GCNT2: variants seen among roughly 807,000 people sequenced by gnomAD.
The protein encoded by GCNT2 is N-acetyllactosaminide beta-1,6-N-acetylglucosaminyl-transferase.
In GCNT2, 34 loss-of-function variants were observed where a neutral mutation model predicts 34.2. The observed-to-expected ratio is 1.00, with a 90% CI of 0.76 to 1.32. GCNT2 has a LOEUF of 1.32. Ranked by LOEUF, GCNT2 falls within the 40% of genes most tolerant of loss-of-function variation. GCNT2 has a pLI of 0.00. For missense variants in GCNT2, 584 were observed against 489.4 expected (o/e 1.19, Z -1.82); for synonymous variants, 212 against 188.0 (o/e 1.13, Z -1.04).
intron 3 of GCNT2, among the ~76,000 whole-genome samples, chr6:10,568,248 C>T (rs903232076): frequency 6.6e-6 from 1 of 152,014 alleles, no homozygotes; most frequent in Admixed American, 6.6e-5. Flanking sequence ...GAAGCTTCCA[C>T]GAGTGCCTGC....
chr6:10,544,895 A>T (rs1321182344), intron 3 of GCNT2, among the ~76,000 whole-genome samples: 1 of 151,970 alleles, frequency 6.6e-6, no homozygotes, highest in African/African-American at 2.4e-5. Flanking sequence ...CAGTGAGCTG[A>T]GATTGTGCCA....
chr6:10,582,557 A>G (rs1764170197), intron 3 of GCNT2, among the ~76,000 whole-genome samples: 2 of 135,636 alleles, frequency 1.5e-5, no homozygotes, highest in African/African-American at 5.5e-5. Flanking sequence ...TATAATATAT[A>G]TCATATATAT....
intron 3 of GCNT2, among the ~76,000 whole-genome samples, chr6:10,560,190 G>C (rs1762910817): frequency 6.6e-6 from 1 of 152,170 alleles, no homozygotes; most frequent in Non-Finnish European, 1.5e-5. Context: ...CCGGGCTCAA[G>C]TGATTCTTGT....
intron 3 of GCNT2, among the ~76,000 whole-genome samples, chr6:10,593,597 C>A (rs1764734731): frequency 6.6e-6 from 1 of 152,156 alleles, no homozygotes; most frequent in East Asian, 1.9e-4. Flanking sequence ...CAGCCTCCTA[C>A]AAGTGCTGAG....
chr6:10,607,991 C>T (rs896144823), intron 3 of GCNT2, among the ~76,000 whole-genome samples: 1 of 152,080 alleles, frequency 6.6e-6, no homozygotes, highest in African/African-American at 2.4e-5. Context: ...CAGAATCTCT[C>T]CTCTGCCTCA....
At position 10,533,800 on chromosome 6, in the gene GCNT2, CAAAAAAAAAAAAAAA is replaced by C. The variant is rs869274003; in HGVS notation, c.925+3976_925+3990del. ...TGGGTGACAGAGCAAGACTCTGTCTCAAAAAAAAAAAAAAAAAAAAAAAAAAGAATGTATTTTATT... is the reference window on the plus strand; with the variant it reads ...TGGGTGACAGAGCAAGACTCTGTCTCAAAAAAAAAAAGAATGTATTTTATT... On this transcript the variant is annotated intron_variant, in intron 3 of 4. Coordinates refer to ENST00000495262, the MANE Select transcript of GCNT2 (RefSeq NM_145649.5). Among the ~76,000 whole-genome samples the C allele has an allele frequency of 2.8e-4, 12 of 43,378 alleles. No homozygotes were observed. In the East Asian group the frequency reaches 5.7e-3, roughly 21 times the overall value. 28.5% of individuals were successfully genotyped at this position (43,378 alleles called of 152,430 possible).
chr6:10,618,576 G>A (rs1436052431), intron 3 of GCNT2, among the ~76,000 whole-genome samples: 1 of 152,194 alleles, frequency 6.6e-6, no homozygotes, highest in Non-Finnish European at 1.5e-5. Context: ...TTATGATGTA[G>A]TTATTTAATA....
At chr6:10,593,471 A>G in intron 3 of GCNT2, among the ~76,000 whole-genome samples, 1 of 152,088 alleles carries the variant, frequency 6.6e-6, no homozygotes, top group Non-Finnish European at 1.5e-5. Context: ...CCAAGTAGCA[A>G]GGACTACAGG....
At chr6:10,617,750 C>CTTTTTTTTTT (rs3064178) in intron 3 of GCNT2, among the ~76,000 whole-genome samples, 2,211 of 101,272 alleles carry the variant, frequency 0.022, 282 homozygotes, top group African/African-American at 0.1. Context: ...TGCATTTCTT[C>CTTTTTTTTTT]TTTTTTTTTT....
chr6:10,623,832 G>C (rs934700830), intron 4 of GCNT2, among the ~76,000 whole-genome samples: 2 of 152,170 alleles, frequency 1.3e-5, no homozygotes, highest in East Asian at 3.9e-4. Context: ...GATTTCCAGA[G>C]GTTCAACATT....
chr6:10,601,691 C>T (rs962933251), intron 3 of GCNT2, among the ~76,000 whole-genome samples: 5 of 152,112 alleles, frequency 3.3e-5, no homozygotes, highest in Admixed American at 1.3e-4. Flanking sequence ...CCTGTAATCT[C>T]AGCACTTTGG....
chr6:10,528,886 A>C lies in GCNT2; in HGVS notation c.-26A>C, dbSNP rs79945859. 0.074 allele frequency: 113,726 copies of C among 1,539,366 alleles called. 5,049 individuals carry two copies. Among genetic ancestry groups the C allele is most frequent in the Middle Eastern group, 0.087 (473 of 5,416 alleles). On this transcript the variant is annotated 5_prime_UTR_variant, in exon 3 of 5. Transcript: ENST00000495262. Reference sequence around the variant, plus strand: ...ACTCTGATCCTATCTCAAGAGAGAGATATTTTACTCATTTCCTGGTTGTGA... The same window carrying C: ...ACTCTGATCCTATCTCAAGAGAGAGCTATTTTACTCATTTCCTGGTTGTGA...
Position 10,529,341 on chromosome 6 carries a change from C to A in GCNT2, c.430C>A (p.Leu144Ile). ...DAFKGAVKQLLSCFPNAFLAS... is the reference protein window; with the variant it reads ...DAFKGAVKQLISCFPNAFLAS... ...CTTTAAAGGTGCAGTGAAACAGTTA[C>A]TCAGCTGCTTCCCAAATGCTTTTCT... is the stretch of plus-strand genomic sequence containing the variant. Residue 144 changes from leucine (L) to isoleucine (I), a missense_variant, in exon 3 of 5, where the codon CTC becomes ATC. Transcript: ENST00000495262. 1.2e-6 allele frequency: 2 copies of A among 1,613,984 alleles called. No homozygotes were observed. Among genetic ancestry groups the A allele is most frequent in the Non-Finnish European group, 1.7e-6 (2 of 1,180,004 alleles).
intron 3 of GCNT2, chr6:10,586,841 T>A (rs995412545): frequency 8.1e-6 from 13 of 1,613,876 alleles, no homozygotes; most frequent in Admixed American, 1.7e-5. Context: ...AAAGGGCCAT[T>A]GATCTACTAC....
chr6:10,532,173 C>T (rs1441438273), intron 3 of GCNT2, among the ~76,000 whole-genome samples: 2 of 152,032 alleles, frequency 1.3e-5, no homozygotes, highest in East Asian at 1.9e-4. Context: ...GCCTCCGAGT[C>T]CCTTCCCACT....
chr6:10,615,978 C>T (rs1029665996), intron 3 of GCNT2, among the ~76,000 whole-genome samples: 1 of 152,196 alleles, frequency 6.6e-6, no homozygotes, highest in Non-Finnish European at 1.5e-5. Flanking sequence ...CTGTCTCATC[C>T]TGCTATGTCT....
intron 3 of GCNT2, among the ~76,000 whole-genome samples, chr6:10,561,225 C>T (rs1018755571): frequency 2.0e-5 from 3 of 152,282 alleles, no homozygotes; most frequent in South Asian, 4.1e-4. Flanking sequence ...TGCAATGGCA[C>T]GATCTTGGCT....
At chr6:10,586,126 A>G in intron 3 of GCNT2, 1 of 1,614,200 alleles carries the variant, frequency 6.2e-7, no homozygotes, top group Non-Finnish European at 8.5e-7. Context: ...TATTTTAGGA[A>G]AACTGCCTGT....
In GCNT2 at chr6:10,536,448, G is replaced by A. The variant is rs1342781317; in HGVS notation, c.925+6612G>A. ...TCAGCTCACTGCAAGTTCTCCTCCC[G>A]GGTTCACGCCATTCTCCTGCCTCAG... On this transcript the variant is annotated intron_variant, in intron 3 of 4. Coordinates refer to ENST00000495262, the MANE Select transcript of GCNT2 (RefSeq NM_145649.5). Among the ~76,000 whole-genome samples the A allele has an allele frequency of 3.3e-5, 5 of 150,552 alleles. No homozygotes were observed. The South Asian group carries it at 6.3e-4, about 19-fold the overall frequency.
Sources: gnomAD v4.1 joint callset for allele counts (sites outside exome capture counted in the v4.1 genomes callset) on GRCh38, gnomAD v4.1.1 for gene constraint, MANE v1.5 for transcripts, NCBI Gene and HGNC (gene_info 2026-07-23, HGNC 2026-07-21) for gene names.